Variants in TNPO2 observed in about 807,000 individuals in gnomAD.
The protein encoded by TNPO2 is transportin-2.
Under a neutral mutation model 111.1 loss-of-function variants are expected in TNPO2, and 16 were observed. The observed-to-expected ratio is 0.14, with a 90% confidence interval of 0.10 to 0.22. TNPO2 has a LOEUF of 0.22. Among genes scored for constraint, TNPO2 ranks in the 10% least tolerant of loss-of-function variants. The pLI is 1.00. For missense variants in TNPO2, 530 were observed against 1,173.7 expected (o/e 0.45, Z 8.01); for synonymous variants, 481 against 475.8 (o/e 1.01, Z -0.14).
rs749292816 is a variant in TNPO2, at chr19:12,721,897, C to A, written c.-13-907G>T. Among the ~76,000 whole-genome samples, 4 of 151,026 alleles carry A rather than the reference C, an allele frequency of 2.6e-5. No individual in the cohort carries two copies. The highest frequency in any genetic ancestry group is 5.9e-5 in the Non-Finnish European group (4 of 67,754). ...CACCTCGTGTCAGTAACCCCCTGGT[C>A]CGATCCTTGCAGCCTCCCCCAGTTC... On this transcript the variant is annotated intron_variant, in intron 2 of 25. Coordinates refer to ENST00000425528, the MANE Select transcript of TNPO2 (RefSeq NM_001382241.1). This position sits in a 1 kb window ranked among gnomAD's most constrained non-coding sequence, Gnocchi z 4.9.
intron 18 of TNPO2, 113 bp from the exon 19 acceptor site, chr19:12,703,914 G>C (rs1488124357): frequency 1.1e-6 from 1 of 937,780 alleles, no homozygotes; most frequent in East Asian, 2.7e-5. Flanking sequence ...CAGTTCTAGA[G>C]CTCCTAGCTG....
At chr19:12,711,016 T>C (rs2026008443) in intron 12 of TNPO2, among the ~76,000 whole-genome samples, 2 of 152,116 alleles carry the variant, frequency 1.3e-5, no homozygotes, top group Non-Finnish European at 2.9e-5. Flanking sequence ...TGCCTCAGCC[T>C]CCCGAGTAGC....
Position 12,706,749 on chromosome 19 carries a change from G to A in TNPO2, c.1317C>T (p.His439=). 1 of 1,613,334 alleles carries A rather than the reference G, an allele frequency of 6.2e-7. No individual in the cohort carries two copies. Among genetic ancestry groups the A allele is most frequent in the South Asian group, 1.1e-5 (1 of 90,970 alleles). The change falls in exon 14 of 26, where the codon CAC becomes CAT. Residue 439 remains histidine (H), a synonymous_variant. Transcript: ENST00000425528. The surrounding 1 kb of genome is among the most constrained non-coding windows in gnomAD (Gnocchi z 7.0). ...MVPYLPELIP[H]LIQCLSDKKA... is the part of the protein sequence containing the mutation. ...TCTTATCCGACAGGCACTGGATCAG[G>A]TGCGGGATCAGCTCAGGCAGGTAGG...
In TNPO2 at chr19:12,706,202, G is replaced by A. The variant is rs769009461; in HGVS notation, c.1662C>T (p.Asn554=). 1 of 1,613,514 alleles carries A rather than the reference G, an allele frequency of 6.2e-7. No homozygotes were observed. The highest frequency in any genetic ancestry group is 1.3e-5 in the African/African-American group (1 of 75,062). ...TLADSVGHHL[N]QPEYIQKLMP... is the part of the protein sequence containing the mutation. ...AGCCGCTCTGGGGTCTCACCGGCTG[G>A]TTGAGGTGGTGGCCTACAGAGTCGG... The change falls in exon 15 of 26, where the codon AAC becomes AAT. Residue 554 remains asparagine (N), a synonymous_variant. Coordinates refer to ENST00000425528, the MANE Select transcript of TNPO2 (RefSeq NM_001382241.1). The surrounding 1 kb of genome is among the most constrained non-coding windows in gnomAD (Gnocchi z 7.0).
rs370860472 is a variant in TNPO2 at position 12,719,015 on chromosome 19, G to C, written c.325+14C>G. On this transcript the variant is annotated intron_variant, in intron 5 of 25. Transcript: ENST00000425528. This position sits in a 1 kb window ranked among gnomAD's most constrained non-coding sequence, Gnocchi z 5.0. The stretch of plus-strand genomic sequence containing the variant: ...AGTGTGTCCTCAGAGGCCAACCCCC[G>C]CTGCCCCTCTCACCAATGGTGGCTC... The C allele has an allele frequency of 1.2e-6, 2 of 1,612,506 alleles. No individual in the cohort carries two copies. Among genetic ancestry groups the C allele is most frequent in the East Asian group, 4.5e-5 (2 of 44,872 alleles).
chr19:12,701,324 A>AC lies in TNPO2; in HGVS notation c.*20+1dup. 1 of 1,598,682 alleles carries AC rather than the reference A, an allele frequency of 6.3e-7. No individual in the cohort carries two copies. Among genetic ancestry groups the AC allele is most frequent in the Non-Finnish European group, 8.6e-7 (1 of 1,166,928 alleles). On this transcript the variant is annotated splice_donor_variant, in intron 25 of 25. Coordinates refer to ENST00000425528, the MANE Select transcript of TNPO2 (RefSeq NM_001382241.1). LOFTEE classifies it low-confidence loss of function (3UTR_SPLICE). This position sits in a 1 kb window ranked among gnomAD's most constrained non-coding sequence, Gnocchi z 5.0. ...CTGACTTGCCAGCTGCAGTCTCCTT[A>AC]CCTGGCAGTCTCCATGATCACCTAG... is the stretch of plus-strand genomic sequence containing the variant.
At position 12,705,963 on chromosome 19, in the gene TNPO2, C is replaced by T. The variant is rs374761447; in HGVS notation, c.1669-195G>A. On this transcript the variant is annotated intron_variant, in intron 15 of 25. Transcript: ENST00000425528. This position sits in a 1 kb window ranked among gnomAD's most constrained non-coding sequence, Gnocchi z 7.2. ...GCACCGCCCGCCCCACCCCACCCCCCGGGAGCCTGGGTTACCACCTCCTGG... is the reference window on the plus strand; with the variant it reads ...GCACCGCCCGCCCCACCCCACCCCCTGGGAGCCTGGGTTACCACCTCCTGG... The T allele has an allele frequency of 8.1e-4, 533 of 658,166 alleles. 4 individuals carry two copies. The highest frequency in any genetic ancestry group is 7.9e-3 in the African/African-American group (433 of 54,536). 40.8% of individuals were successfully genotyped at this position (658,166 alleles called of 1,614,324 possible).
chr19:12,716,956 C>T (rs1314294070), intron 5 of TNPO2, among the ~76,000 whole-genome samples: 1 of 152,048 alleles, frequency 6.6e-6, no homozygotes, highest in Non-Finnish European at 1.5e-5. Flanking sequence ...GCTTGTACTG[C>T]CTATTAGATA....
At chr19:12,711,870 T>G (rs964029437) in intron 10 of TNPO2, among the ~76,000 whole-genome samples, 7 of 151,740 alleles carry the variant, frequency 4.6e-5, no homozygotes, top group Admixed American at 6.6e-5. Context: ...AGAAAGGTTT[T>G]TTTTTTTTTT....
chr19:12,703,387 G>C, intron 20 of TNPO2, 41 bp downstream of exon 20: 2 of 1,573,318 alleles, frequency 1.3e-6, no homozygotes, highest in Non-Finnish European at 1.7e-6. Context: ...GTTGAGAACA[G>C]GCTAATGGGG....
At chr19:12,713,374 T>A (rs2026172363) in intron 10 of TNPO2, among the ~76,000 whole-genome samples, 1 of 151,956 alleles carries the variant, frequency 6.6e-6, no homozygotes, top group Non-Finnish European at 1.5e-5. Context: ...GCACAGGGGC[T>A]CACACCTGTC....
intron 13 of TNPO2, among the ~76,000 whole-genome samples, chr19:12,707,470 G>C (rs1302083764): frequency 7.3e-6 from 1 of 137,632 alleles, no homozygotes; most frequent in Non-Finnish European, 1.6e-5. Context: ...TAAGATGTTT[G>C]TGAGTTTTCT....
rs1442393242 is a variant in TNPO2, at chr19:12,719,218, G to C, written c.176-40C>G. 6.2e-7 allele frequency: 1 copy of C among 1,613,886 alleles called. No individual in the cohort carries two copies. Among genetic ancestry groups the C allele is most frequent in the Non-Finnish European group, 8.5e-7 (1 of 1,179,768 alleles). ...GCTGAGGTTCAGGGGCCCAGGGGGA[G>C]AAAGCAGGGTCCCGATCGCATGGAA... is the stretch of plus-strand genomic sequence containing the variant. On this transcript the variant is annotated intron_variant, in intron 4 of 25. Coordinates refer to ENST00000425528, the MANE Select transcript of TNPO2 (RefSeq NM_001382241.1). The surrounding 1 kb of genome is among the most constrained non-coding windows in gnomAD (Gnocchi z 5.0).
intron 20 of TNPO2, chr19:12,703,186 A>C: frequency 1.7e-6 from 1 of 588,646 alleles, no homozygotes. Flanking sequence ...AAAAAAGCCA[A>C]AGTCACCCAA....
chr19:12,700,906 C>T lies in TNPO2; in HGVS notation c.*358G>A, dbSNP rs2025255796. The T allele has an allele frequency of 5.6e-6, 1 of 179,932 alleles. No individual in the cohort carries two copies. The allele number at this position is 179,932 out of a possible 1,614,324, so 11.1% of individuals were successfully genotyped here. On this transcript the variant is annotated 3_prime_UTR_variant, in exon 26 of 26. Transcript: ENST00000425528. ...CGAGGGCCCCCCTCCTGACCTGCTC[C>T]TCCCTCACCTCATCCGAAGCCGGAT...
chr19:12,711,624 A>G lies in TNPO2; in HGVS notation c.891-11T>C. The G allele has an allele frequency of 1.2e-6, 2 of 1,612,562 alleles. No homozygotes were observed. The highest frequency in any genetic ancestry group is 1.7e-6 in the Non-Finnish European group (2 of 1,179,310). Reference sequence around the variant, plus strand: ...AAGATGGGGATCAACCTGCACAGAGAGGGACTGTTTATGGGGATGCAGGGG... The same window carrying G: ...AAGATGGGGATCAACCTGCACAGAGGGGGACTGTTTATGGGGATGCAGGGG... On this transcript the variant is annotated splice_polypyrimidine_tract_variant and intron_variant, in intron 10 of 25. Transcript: ENST00000425528.
At chr19:12,720,849 TC>T in intron 3 of TNPO2, 29 bp downstream of exon 3, 1 of 1,562,774 alleles carries the variant, frequency 6.4e-7, no homozygotes. Flanking sequence ...TCTACCCGGC[TC>T]CCCCAGCCCC....
intron 5 of TNPO2, among the ~76,000 whole-genome samples, chr19:12,717,130 A>G (rs1282057572): frequency 6.9e-6 from 1 of 145,334 alleles, no homozygotes; most frequent in South Asian, 2.1e-4. Flanking sequence ...TGCTCCCTGC[A>G]ATGGGTAGGT....
chr19:12,721,094 C>A lies in TNPO2; in HGVS notation c.-13-104G>T. The A allele has an allele frequency of 6.5e-7, 1 of 1,528,244 alleles. No individual in the cohort carries two copies. The highest frequency in any genetic ancestry group is 1.2e-5 in the South Asian group (1 of 83,194). The allele number at this position is 1,528,244 out of a possible 1,614,324, so 94.7% of individuals were successfully genotyped here. A position where few individuals can be genotyped will look rare whatever the true frequency, so the allele number is the denominator to read the frequency against. ...GTGGCCGCATGACGACGGGAACGCCCTCGGCGGACAGGCGGAGGCCTCCGA... is the reference window on the plus strand; with the variant it reads ...GTGGCCGCATGACGACGGGAACGCCATCGGCGGACAGGCGGAGGCCTCCGA... On this transcript the variant is annotated intron_variant, in intron 2 of 25. Transcript: ENST00000425528. The surrounding 1 kb of genome is among the most constrained non-coding windows in gnomAD (Gnocchi z 4.9).
Sources: allele counts gnomAD v4.1 joint callset (sites outside exome capture counted in the v4.1 genomes callset), GRCh38; gene constraint gnomAD v4.1.1; non-coding constraint Gnocchi (gnomAD v3.1); transcripts MANE v1.5; gene names NCBI Gene and HGNC (gene_info 2026-07-23, HGNC 2026-07-21).